Variants in PKD2L2 observed in about 807,000 individuals in gnomAD.
The protein encoded by PKD2L2 is polycystin 2 like 2, transient receptor potential cation channel.
PKD2L2 carries 67 observed loss-of-function variants against 83.9 expected under a neutral mutation model. The ratio of observed to expected loss-of-function variants is 0.80; its 90% CI spans 0.66 to 0.98. The LOEUF is 0.98. PKD2L2 is among the 50% of genes least tolerant of loss of function. PKD2L2 has a pLI of 0.00. For missense variants in PKD2L2, 632 were observed against 717.2 expected (o/e 0.88, Z 1.36); for synonymous variants, 223 against 237.8 (o/e 0.94, Z 0.57).
intron 4 of PKD2L2, among the ~76,000 whole-genome samples, chr5:137,894,918 G>A (rs144236092): frequency 2.8e-4 from 43 of 152,222 alleles, no homozygotes; most frequent in Non-Finnish European, 5.1e-4. Context: ...CTGCTTTTCT[G>A]GCTGTGGCTA....
intron 14 of PKD2L2, chr5:137,939,469 C>T (rs1199897206): frequency 6.5e-6 from 1 of 152,848 alleles, no homozygotes; most frequent in Non-Finnish European, 1.5e-5. Context: ...AGCGGATAAA[C>T]AGTAACTCAG....
chr5:137,920,236 A>T (rs1215330128), intron 8 of PKD2L2, among the ~76,000 whole-genome samples: 1 of 152,198 alleles, frequency 6.6e-6, no homozygotes, highest in African/African-American at 2.4e-5. Flanking sequence ...TTCCTCATAA[A>T]GAACACACAC....
chr5:137,918,887 C>G (rs898646141), intron 8 of PKD2L2, among the ~76,000 whole-genome samples: 3 of 145,674 alleles, frequency 2.1e-5, no homozygotes, highest in Admixed American at 1.4e-4. Flanking sequence ...AGTTGAGAAA[C>G]TGTGTTGCTG....
rs754124979 is a variant in PKD2L2, at chr5:137,899,592, A to AT, written c.605dup (p.Thr203HisfsTer8). 19 of 1,613,928 alleles carry AT rather than the reference A, an allele frequency of 1.2e-5. No individual in the cohort carries two copies. The South Asian group carries it at 1.9e-4, about 16-fold the overall frequency. On this transcript the variant is annotated frameshift_variant, in exon 5 of 15. Coordinates refer to ENST00000508883, the MANE Select transcript of PKD2L2 (RefSeq NM_001300921.2). LOFTEE classifies it high-confidence loss of function. ...TGGTGTTTACCGAAATGGGGGATAC[A>AT]TTTTCACTTTATCAAAATCGAAATC...
At chr5:137,935,003 A>G (rs1285146367) in intron 12 of PKD2L2, among the ~76,000 whole-genome samples, 1 of 152,214 alleles carries the variant, frequency 6.6e-6, no homozygotes, top group African/African-American at 2.4e-5. Context: ...AGGCATCACC[A>G]TCCTCTCTGA....
chr5:137,931,913 AAT>A (rs1759908924), intron 12 of PKD2L2, among the ~76,000 whole-genome samples: 1 of 152,232 alleles, frequency 6.6e-6, no homozygotes, highest in South Asian at 2.1e-4. Context: ...TGGTAGGAAA[AAT>A]AATTTACATA....
rs374385697 is a variant in PKD2L2, at chr5:137,925,948, T to C, written c.1671+19T>C. On this transcript the variant is annotated intron_variant, in intron 12 of 14. Transcript: ENST00000508883. ...CGAAAATGTAAGATTTTAATTTTTTTCATAAACACTAGTGGTAGCTGTATT... is the reference window on the plus strand; with the variant it reads ...CGAAAATGTAAGATTTTAATTTTTTCCATAAACACTAGTGGTAGCTGTATT... 20 of 1,464,090 alleles carry C rather than the reference T, an allele frequency of 1.4e-5. No homozygotes were observed. The African/African-American group carries it at 2.8e-4, about 20-fold the overall frequency. 90.7% of individuals were successfully genotyped at this position (1,464,090 alleles called of 1,614,324 possible).
Position 137,892,464 on chromosome 5 carries a change from A to C in PKD2L2, c.134-16A>C, listed in dbSNP as rs1243011641. Reference sequence around the variant, plus strand: ...TTTTAAATGTAAATTATTAAACAAAAAATTATTCTCCTTAGTGACTTTTGG... The same window carrying C: ...TTTTAAATGTAAATTATTAAACAAACAATTATTCTCCTTAGTGACTTTTGG... On this transcript the variant is annotated splice_polypyrimidine_tract_variant and intron_variant, in intron 2 of 14. Transcript: ENST00000508883. 1 of 1,373,642 alleles carries C rather than the reference A, an allele frequency of 7.3e-7. No individual in the cohort carries two copies. The highest frequency in any genetic ancestry group is 9.7e-7 in the Non-Finnish European group (1 of 1,028,754). The allele number at this position is 1,373,642 out of a possible 1,614,324, so 85.1% of individuals were successfully genotyped here.
rs375324442 is a variant in PKD2L2, at chr5:137,894,382, G to A, written c.297G>A (p.Leu99=). 59 of 1,610,382 alleles carry A rather than the reference G, an allele frequency of 3.7e-5. No homozygotes were observed. In the African/African-American group the frequency reaches 7.1e-4, roughly 19 times the overall value. Residue 99 remains leucine (L), a synonymous_variant, in exon 4 of 15, where the codon CTG becomes CTA. Coordinates refer to ENST00000508883, the MANE Select transcript of PKD2L2 (RefSeq NM_001300921.2). ...TGGAAGGACCCCTTTTGGAAGGTCT[G>A]TACTGGGATTCATGGTACAATAACC... ...KFMEGPLLEG[L]YWDSWYNNQQ... is the part of the protein sequence containing the mutation.
chr5:137,915,462 G>A (rs62374144), intron 8 of PKD2L2, among the ~76,000 whole-genome samples: 19,528 of 150,994 alleles, frequency 0.13, 1,512 homozygotes, highest in Non-Finnish European at 0.19. Context: ...TCACTCTGTC[G>A]CCCAGGCTGG....
intron 5 of PKD2L2, among the ~76,000 whole-genome samples, 187 bp from the exon 6 acceptor site, chr5:137,906,019 A>G (rs1757333363): frequency 6.6e-6 from 1 of 152,224 alleles, no homozygotes; most frequent in Non-Finnish European, 1.5e-5. Flanking sequence ...GAAAAAGTGG[A>G]GCCACTATGA....
chr5:137,927,813 G>A (rs572387711), intron 12 of PKD2L2, among the ~76,000 whole-genome samples: 6 of 152,264 alleles, frequency 3.9e-5, no homozygotes, highest in Middle Eastern at 3.4e-3. Flanking sequence ...GTTTCACTAC[G>A]TTGGCCAGGC....
At chr5:137,905,743 GC>G (rs770160990) in intron 5 of PKD2L2, among the ~76,000 whole-genome samples, 2 of 152,146 alleles carry the variant, frequency 1.3e-5, no homozygotes, top group Non-Finnish European at 2.9e-5. Flanking sequence ...GAAGCAAGAA[GC>G]ATTTCTGATA....
At chr5:137,899,975 G>T (rs1249490013) in intron 5 of PKD2L2, among the ~76,000 whole-genome samples, 1 of 152,092 alleles carries the variant, frequency 6.6e-6, no homozygotes. Flanking sequence ...AGTTAGGCAT[G>T]TCATGAATGC....
intron 2 of PKD2L2, 28 bp downstream of exon 2, chr5:137,890,610 T>C: frequency 1.1e-6 from 1 of 944,794 alleles, no homozygotes; most frequent in African/African-American, 1.7e-5. Flanking sequence ...AAGATGCTGT[T>C]TGTTTGAACT....
At chr5:137,895,364 C>T (rs768265726) in intron 4 of PKD2L2, among the ~76,000 whole-genome samples, 1 of 150,586 alleles carries the variant, frequency 6.6e-6, no homozygotes, top group Non-Finnish European at 1.5e-5. Flanking sequence ...CCAAGATACT[C>T]GGGAGGCTGA....
intron 1 of PKD2L2, 33 bp from the exon 2 acceptor site, chr5:137,890,448 A>G: frequency 8.6e-7 from 1 of 1,164,494 alleles, no homozygotes; most frequent in Non-Finnish European, 1.3e-6. Flanking sequence ...TTACATAATA[A>G]TGTAAAGAAA....
At chr5:137,899,248 G>A (rs1165442292) in intron 4 of PKD2L2, among the ~76,000 whole-genome samples, 2 of 151,964 alleles carry the variant, frequency 1.3e-5, no homozygotes, top group African/African-American at 2.4e-5. Flanking sequence ...TCCTGAGCAG[G>A]TGGGACTACA....
chr5:137,930,396 G>C (rs552247032), intron 12 of PKD2L2, among the ~76,000 whole-genome samples: 75 of 152,216 alleles, frequency 4.9e-4, no homozygotes, highest in African/African-American at 1.8e-3. Flanking sequence ...ATACAGGCCG[G>C]GTGCAGTGGC....
Sources: gnomAD v4.1 joint callset for allele counts (sites outside exome capture counted in the v4.1 genomes callset) on GRCh38, gnomAD v4.1.1 for gene constraint, MANE v1.5 for transcripts, NCBI Gene and HGNC (gene_info 2026-07-23, HGNC 2026-07-21) for gene names.